Variants in ALK observed in about 807,000 individuals in gnomAD.
The protein encoded by ALK is ALK receptor tyrosine kinase.
In ALK, 74 loss-of-function variants were observed where a neutral mutation model predicts 163.1. The ratio of observed to expected loss-of-function variants is 0.45; its 90% CI spans 0.38 to 0.55. ALK has a LOEUF of 0.55. Ranked by LOEUF, ALK falls within the 20% of genes least tolerant of loss-of-function variation. The probability of loss-of-function intolerance (pLI) is 0.00; values close to 1 mark genes in which losing one functional copy is unlikely to be tolerated. For missense variants in ALK, 2,063 were observed against 2,105.3 expected (o/e 0.98, Z 0.39); for synonymous variants, 960 against 843.2 (o/e 1.14, Z -2.40).
At chr2:29,809,890 AT>A (rs1220028000) in intron 1 of ALK, among the ~76,000 whole-genome samples, 3 of 152,190 alleles carry the variant, frequency 2.0e-5, no homozygotes. Context: ...ACCAGTTTGT[AT>A]TTTGTGGTCT....
At chr2:29,439,954 G>A (rs892949071) in intron 4 of ALK, among the ~76,000 whole-genome samples, 3 of 152,036 alleles carry the variant, frequency 2.0e-5, no homozygotes, top group South Asian at 2.1e-4. Flanking sequence ...ATCTTTGGCC[G>A]GGCATGGTGG....
At chr2:29,722,975 T>C (rs1679463628) in intron 1 of ALK, among the ~76,000 whole-genome samples, 1 of 152,224 alleles carries the variant, frequency 6.6e-6, no homozygotes, top group Non-Finnish European at 1.5e-5. Context: ...TTGATGGCTC[T>C]ACCTGAATTT....
At chr2:29,307,836 A>G (rs1179457957) in intron 8 of ALK, among the ~76,000 whole-genome samples, 1 of 152,224 alleles carries the variant, frequency 6.6e-6, no homozygotes, top group East Asian at 1.9e-4. Context: ...AGGCTTAAGA[A>G]ATGCTGGATT....
chr2:29,833,199 C>T lies in ALK; in HGVS notation c.667+86794G>A, dbSNP rs113212735. ...TCTCCTCTCCTCTGTTGGAATCTCTCCAGGTATCAGATTGAAAGAACGATG... is the reference window on the plus strand; with the variant it reads ...TCTCCTCTCCTCTGTTGGAATCTCTTCAGGTATCAGATTGAAAGAACGATG... On this transcript the variant is annotated intron_variant, in intron 1 of 28. Coordinates refer to ENST00000389048, the MANE Select transcript of ALK (RefSeq NM_004304.5). 4.8e-3 allele frequency among the ~76,000 whole-genome samples: 734 copies of T among 152,292 alleles called. 12 individuals are homozygous for T. Among genetic ancestry groups the T allele is most frequent in the African/African-American group, 0.017 (690 of 41,556 alleles).
intron 3 of ALK, among the ~76,000 whole-genome samples, chr2:29,565,439 C>T (rs1197218742): frequency 3.3e-5 from 5 of 151,998 alleles, no homozygotes; most frequent in East Asian, 3.9e-4. Flanking sequence ...GAGGGGAGGC[C>T]GGTGGAAAGG....
intron 1 of ALK, among the ~76,000 whole-genome samples, chr2:29,914,185 C>CCA (rs1405923518): frequency 2.6e-5 from 4 of 152,154 alleles, no homozygotes; most frequent in African/African-American, 9.7e-5. Context: ...GAAGTAAATA[C>CCA]CACACTTCAA....
rs373798246 is a variant in ALK, at chr2:29,903,624, G to C, written c.667+16369C>G. The stretch of plus-strand genomic sequence containing the variant: ...ACAATTGGCTATAATGATTGGAACA[G>C]AAAACCATAACAAAGCAGCTCTGGT... On this transcript the variant is annotated intron_variant, in intron 1 of 28. Coordinates refer to ENST00000389048, the MANE Select transcript of ALK (RefSeq NM_004304.5). Among the ~76,000 whole-genome samples, 117 of 152,280 alleles carry C rather than the reference G, an allele frequency of 7.7e-4. 1 individual carries two copies. Among genetic ancestry groups the C allele is most frequent in the African/African-American group, 2.6e-3 (109 of 41,566 alleles).
chr2:29,648,375 T>A (rs1020053646), intron 3 of ALK, among the ~76,000 whole-genome samples: 1 of 152,188 alleles, frequency 6.6e-6, no homozygotes, highest in Non-Finnish European at 1.5e-5. Context: ...ATTTTACTCA[T>A]TTTTAAGTAT....
chr2:29,900,765 T>G (rs1357519320), intron 1 of ALK, among the ~76,000 whole-genome samples: 2 of 152,136 alleles, frequency 1.3e-5, no homozygotes, highest in African/African-American at 2.4e-5. Flanking sequence ...CTCCTCATCC[T>G]TTAACCCCTC....
chr2:29,275,465 G>T lies in ALK; in HGVS notation c.1849C>A (p.Gln617Lys), dbSNP rs2148215449. Residue 617 changes from glutamine (Q) to lysine (K), a missense_variant, in exon 10 of 29, where the codon CAA becomes AAA. Gln to Lys is a moderately conservative substitution (Grantham distance 53). Around this residue, in one of 5 missense-constraint regions of ALK, gnomAD observed 987 missense variants for 939.5 expected, o/e 1.05. Transcript: ENST00000389048. The part of the protein sequence containing the change: ...FWLQMVAWWG[Q>K]GSRAIVAFDN... ...AAAGCCACGATGGCTCTGGATCCTT[G>T]TCCCCACCATGCGACCATCTGCAGC... The T allele has an allele frequency of 1.9e-6, 3 of 1,614,160 alleles. No homozygotes were observed. The highest frequency in any genetic ancestry group is 1.3e-5 in the African/African-American group (1 of 75,040).
intron 3 of ALK, among the ~76,000 whole-genome samples, chr2:29,548,435 T>G (rs532812053): frequency 1.2e-4 from 18 of 150,854 alleles, no homozygotes; most frequent in African/African-American, 4.1e-4. Context: ...ATCATGCCAC[T>G]GCACTCCAGC....
chr2:29,786,168 C>T (rs1351217857), intron 1 of ALK, among the ~76,000 whole-genome samples: 1 of 152,068 alleles, frequency 6.6e-6, no homozygotes, highest in Non-Finnish European at 1.5e-5. Flanking sequence ...TTCTTGTATT[C>T]ATTTTCTTTG....
intron 22 of ALK, 76 bp downstream of exon 22, chr2:29,222,268 C>T (rs978644246): frequency 1.8e-5 from 24 of 1,330,020 alleles, no homozygotes; most frequent in African/African-American, 1.2e-4. Flanking sequence ...TTGGAGATAT[C>T]GATCTGTTAG....
intron 3 of ALK, among the ~76,000 whole-genome samples, chr2:29,602,257 G>C (rs1259113574): frequency 6.6e-6 from 1 of 152,052 alleles, no homozygotes; most frequent in Non-Finnish European, 1.5e-5. Context: ...TTGCCCCAGG[G>C]AGGCCCCAGA....
intron 1 of ALK, among the ~76,000 whole-genome samples, chr2:29,823,513 G>A (rs188077805): frequency 2.6e-5 from 4 of 152,300 alleles, no homozygotes; most frequent in Admixed American, 2.6e-4. Flanking sequence ...TGCTGATAAT[G>A]ATATGGACAA....
intron 4 of ALK, among the ~76,000 whole-genome samples, chr2:29,399,747 G>A (rs1182949587): frequency 6.6e-6 from 1 of 152,178 alleles, no homozygotes; most frequent in Non-Finnish European, 1.5e-5. Flanking sequence ...CATGAGAGGG[G>A]CTTATATGTG....
chr2:29,233,455 T>A (rs1664275465), intron 14 of ALK, 110 bp downstream of exon 14: 1 of 1,534,994 alleles, frequency 6.5e-7, no homozygotes, highest in African/African-American at 1.4e-5. Flanking sequence ...CCTGCTCATC[T>A]TTACACGGGG....
chr2:29,405,442 G>A (rs1373807773), intron 4 of ALK, among the ~76,000 whole-genome samples: 1 of 152,172 alleles, frequency 6.6e-6, no homozygotes, highest in Non-Finnish European at 1.5e-5. Context: ...GCTGTTTGGA[G>A]CTCTGCGGTG....
At position 29,736,824 on chromosome 2, in the gene ALK, G is replaced by A. The variant is rs572639488; in HGVS notation, c.668-19127C>T. Among the ~76,000 whole-genome samples the A allele has an allele frequency of 3.9e-4, 60 of 152,146 alleles. 1 individual carries two copies. The highest frequency in any genetic ancestry group is 7.2e-4 in the African/African-American group (30 of 41,446). ...TAGAGTTAACATTTGTAATTAAGCCGTATACAGGATGAAATTTAATACTTG... is the reference window on the plus strand; with the variant it reads ...TAGAGTTAACATTTGTAATTAAGCCATATACAGGATGAAATTTAATACTTG... On this transcript the variant is annotated intron_variant, in intron 1 of 28. Coordinates refer to ENST00000389048, the MANE Select transcript of ALK (RefSeq NM_004304.5).
Sources: allele counts gnomAD v4.1 joint callset (sites outside exome capture counted in the v4.1 genomes callset), GRCh38; gene constraint gnomAD v4.1.1; regional missense constraint gnomAD v4.1.1; transcripts MANE v1.5; gene names NCBI Gene and HGNC (gene_info 2026-07-23, HGNC 2026-07-21).